Variants in RSPH3 observed in about 807,000 individuals in gnomAD.
RSPH3 encodes the protein radial spoke head 3, also known as radial spoke head protein 3 homolog.
RSPH3 carries 21 observed loss-of-function variants against 43.8 expected under a neutral mutation model. That is an observed-to-expected ratio of 0.48 (90% CI 0.34 to 0.69). The LOEUF is 0.69. RSPH3 is among the 30% of genes least tolerant of loss of function. The pLI, the probability that RSPH3 is intolerant of heterozygous loss-of-function variation, is 0.01. For missense variants in RSPH3, 487 were observed against 516.0 expected (o/e 0.94, Z 0.54); for synonymous variants, 173 against 179.8 (o/e 0.96, Z 0.30).
intron 1 of RSPH3, 49 bp downstream of exon 1, chr6:158,999,386 G>C: frequency 6.9e-7 from 1 of 1,444,194 alleles, no homozygotes; most frequent in Non-Finnish European, 9.1e-7. Flanking sequence ...CCCCGGCCTG[G>C]GGATGGGGTG....
At chr6:158,966,189 A>G in the RSPH3 span, among the ~76,000 whole-genome samples, 1 of 152,148 alleles carries the variant, frequency 6.6e-6, no homozygotes, top group Non-Finnish European at 1.5e-5. Flanking sequence ...TATTCCTTGG[A>G]TAAATCCCAC....
At chr6:158,972,617 C>A (rs1046818782), downstream of RSPH3, among the ~76,000 whole-genome samples, 1 of 152,074 alleles carries the variant, frequency 6.6e-6, no homozygotes, top group Non-Finnish European at 1.5e-5. Flanking sequence ...AGACAACATA[C>A]AATGATCACA....
chr6:158,967,091 C>T, the RSPH3 span, among the ~76,000 whole-genome samples: 2,691 of 151,884 alleles, frequency 0.018, 34 homozygotes, highest in Middle Eastern at 0.024. Flanking sequence ...ATCACTGTAG[C>T]CTTGAACTCC....
chr6:158,997,101 G>T (rs1482389103), intron 1 of RSPH3, among the ~76,000 whole-genome samples: 1 of 152,002 alleles, frequency 6.6e-6, no homozygotes, highest in Non-Finnish European at 1.5e-5. Flanking sequence ...ATCATGTTAT[G>T]AAACAACAAG....
intron 1 of RSPH3, among the ~76,000 whole-genome samples, chr6:158,994,468 AT>A (rs1778524015): frequency 1.3e-5 from 2 of 152,290 alleles, no homozygotes; most frequent in Admixed American, 1.3e-4. Flanking sequence ...CCTGGCCAAC[AT>A]GGTGAAACGC....
chr6:158,991,502 T>A (rs1778404719), intron 2 of RSPH3, among the ~76,000 whole-genome samples: 1 of 152,198 alleles, frequency 6.6e-6, no homozygotes, highest in Non-Finnish European at 1.5e-5. Flanking sequence ...CTTTCTAGGC[T>A]CTGTCGACAC....
Position 158,982,519 on chromosome 6 carries a change from A to G in RSPH3, c.662T>C (p.Leu221Pro). 2 of 1,612,582 alleles carry G rather than the reference A, an allele frequency of 1.2e-6. No individual in the cohort carries two copies. The highest frequency in any genetic ancestry group is 1.7e-6 in the Non-Finnish European group (2 of 1,179,548). Reference protein sequence around the residue: ...RNSERAEVQRLEEQERRHREE... With the variant: ...RNSERAEVQRPEEQERRHREE... Reference sequence around the variant, plus strand: ...TCGGTGTCGCCTCTCTTGCTCTTCAAGTCGTTGAACTTCAGCACGTTCACT... The same window carrying G: ...TCGGTGTCGCCTCTCTTGCTCTTCAGGTCGTTGAACTTCAGCACGTTCACT... The change falls in exon 5 of 8, where the codon CTT (leucine) becomes CCT (proline). Residue 221 changes from leucine (L) to proline (P), a missense_variant. Physicochemically the swap from Leu to Pro is moderately conservative, Grantham distance 98. Transcript: ENST00000367069.
At chr6:158,980,625 C>T in intron 6 of RSPH3, 149 bp downstream of exon 6, 1 of 619,826 alleles carries the variant, frequency 1.6e-6, no homozygotes, top group South Asian at 2.2e-5. Flanking sequence ...ATCTCATTAA[C>T]AACTGTACTT....
At position 158,975,862 on chromosome 6, in the gene RSPH3, C is replaced by T. The variant is rs577222816; in HGVS notation, c.*1676G>A. The T allele has an allele frequency of 2.0e-5, 3 of 152,086 alleles. No individual in the cohort carries two copies. The highest frequency in any genetic ancestry group is 2.9e-5 in the Non-Finnish European group (2 of 68,004). The allele number at this position is 152,086 out of a possible 1,614,324, so 9.4% of individuals were successfully genotyped here. ...AATTATAAGTTATTTTAAATCACTACGTTTATATATGTGTAAGTATTTTGC... is the reference window on the plus strand; with the variant it reads ...AATTATAAGTTATTTTAAATCACTATGTTTATATATGTGTAAGTATTTTGC... On this transcript the variant is annotated 3_prime_UTR_variant, in exon 8 of 8. Transcript: ENST00000367069.
the RSPH3 span, among the ~76,000 whole-genome samples, chr6:158,965,354 T>C: frequency 6.6e-6 from 1 of 152,132 alleles, no homozygotes; most frequent in African/African-American, 2.4e-5. Context: ...TTGCATTGAA[T>C]CTGGAGATCA....
At chr6:158,983,575 G>C (rs1583708533) in intron 4 of RSPH3, 87 bp downstream of exon 4, 1 of 935,682 alleles carries the variant, frequency 1.1e-6, no homozygotes, top group East Asian at 2.4e-5. Flanking sequence ...ATTGTGAAGT[G>C]GTTCTTGCTC....
rs183521144 is a variant in RSPH3 at position 158,990,178 on chromosome 6, C to G, written c.204+3661G>C. ...TGTGTGACTTAATACTTAATAAACT[C>G]TCCTTTATATATATATATATCTATT... On this transcript the variant is annotated intron_variant, in intron 2 of 7. Coordinates refer to ENST00000367069, the MANE Select transcript of RSPH3 (RefSeq NM_031924.8). 1.2e-4 allele frequency among the ~76,000 whole-genome samples: 19 copies of G among 152,166 alleles called. No homozygotes were observed. In the East Asian group the frequency reaches 3.5e-3, roughly 28 times the overall value.
chr6:158,999,268 A>ATGGAG, intron 1 of RSPH3, among the ~76,000 whole-genome samples, 167 bp downstream of exon 1: 1 of 146,692 alleles, frequency 6.8e-6, no homozygotes, highest in Non-Finnish European at 1.5e-5. Flanking sequence ...TTCCTGCTTC[A>ATGGAG]CTCCTCCACA....
intron 3 of RSPH3, among the ~76,000 whole-genome samples, chr6:158,985,798 TTCTCTC>T (rs201972962): frequency 2.7e-5 from 4 of 147,846 alleles, no homozygotes; most frequent in Admixed American, 6.8e-5. Context: ...GTCTATGTAT[TTCTCTC>T]TCTCTCTCTC....
intron 3 of RSPH3, among the ~76,000 whole-genome samples, chr6:158,985,476 G>C (rs1025768104): frequency 6.6e-6 from 1 of 152,184 alleles, no homozygotes; most frequent in Non-Finnish European, 1.5e-5. Flanking sequence ...TTGTTGTTCA[G>C]GCTGAGTGCA....
chr6:158,988,755 C>A (rs1003518278), intron 2 of RSPH3, among the ~76,000 whole-genome samples: 4 of 152,124 alleles, frequency 2.6e-5, no homozygotes, highest in Non-Finnish European at 5.9e-5. Context: ...TTATTTCAAT[C>A]TCTTTGTTAC....
chr6:158,985,138 A>G (rs1284446352), intron 3 of RSPH3, among the ~76,000 whole-genome samples: 1 of 152,196 alleles, frequency 6.6e-6, no homozygotes, highest in African/African-American at 2.4e-5. Context: ...GGACCAGGTA[A>G]GCCTCTACAG....
At chr6:158,995,734 A>G (rs1778568870) in intron 1 of RSPH3, among the ~76,000 whole-genome samples, 1 of 151,928 alleles carries the variant, frequency 6.6e-6, no homozygotes, top group South Asian at 2.1e-4. Context: ...AGCTGGGACT[A>G]CAGGCGCCCG....
downstream of RSPH3, among the ~76,000 whole-genome samples, chr6:158,968,715 T>C (rs1777658716): frequency 1.3e-5 from 2 of 152,122 alleles, no homozygotes; most frequent in Admixed American, 1.3e-4. Flanking sequence ...TTATTATTTA[T>C]TTATTTATTT....
Sources: allele counts gnomAD v4.1 joint callset (sites outside exome capture counted in the v4.1 genomes callset), GRCh38; gene constraint gnomAD v4.1.1; transcripts MANE v1.5; gene names NCBI Gene and HGNC (gene_info 2026-07-23, HGNC 2026-07-21).